The following PARD6G variants were observed in gnomAD, a reference collection of about 807,000 sequenced individuals.
PARD6G encodes the protein par-6 family cell polarity regulator gamma.
A neutral mutation model predicts 10.7 loss-of-function variants in PARD6G; 7 were observed. The ratio of observed to expected loss-of-function variants is 0.66; its 90% CI spans 0.37 to 1.23. The LOEUF is 1.23. Among genes scored for constraint, PARD6G ranks in the 50% most tolerant of loss-of-function variants. The pLI is 0.02. For missense variants in PARD6G, 548 were observed against 571.8 expected (o/e 0.96, Z 0.42); for synonymous variants, 287 against 269.4 (o/e 1.07, Z -0.64).
At chr18:80,185,666 G>T (rs548543241) in intron 2 of PARD6G, among the ~76,000 whole-genome samples, 3 of 148,160 alleles carry the variant, frequency 2.0e-5, no homozygotes, top group Admixed American at 6.7e-5. Flanking sequence ...ATATATGCTT[G>T]CACACCCTCA....
rs2052852304 is a variant in PARD6G, at chr18:80,182,296, G to A, written c.295+20414C>T. Among the ~76,000 whole-genome samples the A allele has an allele frequency of 6.6e-6, 1 of 152,228 alleles. No homozygotes were observed. Among genetic ancestry groups the A allele is most frequent in the African/African-American group, 2.4e-5 (1 of 41,464 alleles). ...CCCTCCCTGAAGGGTGGCAGCTGATGCCTGTGTGCCTGAAGGCAGCTCCTG... is the reference window on the plus strand; with the variant it reads ...CCCTCCCTGAAGGGTGGCAGCTGATACCTGTGTGCCTGAAGGCAGCTCCTG... On this transcript the variant is annotated intron_variant, in intron 2 of 2. Transcript: ENST00000353265. The surrounding 1 kb of genome is among the most constrained non-coding windows in gnomAD (Gnocchi z 4.5).
chr18:80,208,921 AC>A (rs1409715132), intron 1 of PARD6G, among the ~76,000 whole-genome samples: 1 of 152,086 alleles, frequency 6.6e-6, no homozygotes, highest in Non-Finnish European at 1.5e-5. Context: ...ACATAGTGAA[AC>A]CCCATCTCTA....
At chr18:80,172,860 T>C (rs2052786153) in intron 2 of PARD6G, among the ~76,000 whole-genome samples, 1 of 152,290 alleles carries the variant, frequency 6.6e-6, no homozygotes, top group African/African-American at 2.4e-5. Context: ...ATCTAATTTT[T>C]CTTTTTTGCT....
At chr18:80,216,993 C>CA (rs1175791896) in intron 1 of PARD6G, among the ~76,000 whole-genome samples, 10 of 152,064 alleles carry the variant, frequency 6.6e-5, no homozygotes, top group Non-Finnish European at 1.5e-4. Flanking sequence ...ACCTAGCATG[C>CA]AAGGAACCAA....
chr18:80,167,761 C>G (rs574795825), intron 2 of PARD6G, among the ~76,000 whole-genome samples: 6 of 152,218 alleles, frequency 3.9e-5, no homozygotes, highest in Admixed American at 1.3e-4. Flanking sequence ...GGTGCAGCAC[C>G]TCTCAGCAGC....
chr18:80,166,665 C>T lies in PARD6G; in HGVS notation c.296-6059G>A, dbSNP rs866244065. Among the ~76,000 whole-genome samples the T allele has an allele frequency of 2.2e-4, 33 of 151,544 alleles. 1 individual carries two copies. The Middle Eastern group carries it at 0.01, about 47-fold the overall frequency. On this transcript the variant is annotated intron_variant, in intron 2 of 2. Transcript: ENST00000353265. ...AGGGGAGGTACGTGCCCCTTTCATCCTGTCCTGGCTCCTTACATCCTCAGA... is the reference window on the plus strand; with the variant it reads ...AGGGGAGGTACGTGCCCCTTTCATCTTGTCCTGGCTCCTTACATCCTCAGA...
At chr18:80,199,373 C>T (rs919240810) in intron 2 of PARD6G, among the ~76,000 whole-genome samples, 2 of 152,236 alleles carry the variant, frequency 1.3e-5, no homozygotes, top group Admixed American at 6.5e-5. Context: ...GGCTCGATAA[C>T]ATTCCACTGC....
intron 2 of PARD6G, chr18:80,197,432 T>C (rs1966968055): frequency 1.3e-5 from 2 of 152,240 alleles, no homozygotes; most frequent in African/African-American, 4.8e-5. Flanking sequence ...TTTACAACTG[T>C]GTTCTCCTCA....
Position 80,192,007 on chromosome 18 carries a change from T to TGTCC in PARD6G, c.295+10699_295+10702dup, listed in dbSNP as rs1320015517. ...AGCCAAATCTAAAATTGGTCAAAGG[T>TGTCC]GTCCAACTCCACCTTGATGATTCTG... On this transcript the variant is annotated intron_variant, in intron 2 of 2. Transcript: ENST00000353265. This position sits in a 1 kb window ranked among gnomAD's most constrained non-coding sequence, Gnocchi z 4.9. 6.6e-6 allele frequency among the ~76,000 whole-genome samples: 1 copy of TGTCC among 152,176 alleles called. No homozygotes were observed. The highest frequency in any genetic ancestry group is 1.9e-4 in the East Asian group (1 of 5,202).
rs1386468301 is a variant in PARD6G at position 80,184,354 on chromosome 18, A to G, written c.295+18356T>C. ...GTGAGCATTCGCAGCGGCATCATTCACAGTGGCCAGGAGGTGGAAACAACC... is the reference window on the plus strand; with the variant it reads ...GTGAGCATTCGCAGCGGCATCATTCGCAGTGGCCAGGAGGTGGAAACAACC... On this transcript the variant is annotated intron_variant, in intron 2 of 2. Coordinates refer to ENST00000353265, the MANE Select transcript of PARD6G (RefSeq NM_032510.4). This position sits in a 1 kb window ranked among gnomAD's most constrained non-coding sequence, Gnocchi z 4.5. The G allele has an allele frequency of 6.6e-6, 1 of 152,298 alleles. No homozygotes were observed. The highest frequency in any genetic ancestry group is 2.4e-5 in the African/African-American group (1 of 41,476). The allele number at this position is 152,298 out of a possible 1,614,324, so 9.4% of individuals were successfully genotyped here.
chr18:80,159,928 C>G lies in PARD6G; in HGVS notation c.974G>C (p.Arg325Pro). ...TPGAPAGSLSRVNGAGLAQRL... is the reference protein window; with the variant it reads ...TPGAPAGSLSPVNGAGLAQRL... ...CTGCGCCAGGCCCGCGCCATTGACC[C>G]GGGAGAGGCTGCCTGCGGGCGCGCC... The change falls in exon 3 of 3, where the codon CGG (arginine) becomes CCG (proline). Residue 325 changes from arginine (R) to proline (P), a missense_variant. Arg to Pro is a moderately radical substitution (Grantham distance 103). Coordinates refer to ENST00000353265, the MANE Select transcript of PARD6G (RefSeq NM_032510.4). The G allele has an allele frequency of 6.6e-7, 1 of 1,511,130 alleles. No homozygotes were observed. Among genetic ancestry groups the G allele is most frequent in the South Asian group, 1.3e-5 (1 of 79,304 alleles). 93.6% of individuals were successfully genotyped at this position (1,511,130 alleles called of 1,614,324 possible).
Position 80,247,058 on chromosome 18 carries a change from C to T in PARD6G, c.72+219G>A, listed in dbSNP as rs1222928918. Among the ~76,000 whole-genome samples, 1 of 152,164 alleles carries T rather than the reference C, an allele frequency of 6.6e-6. No homozygotes were observed. The highest frequency in any genetic ancestry group is 2.4e-5 in the African/African-American group (1 of 41,462). ...GGACTGTCCGATGGCCCTCGGCCCT[C>T]TGAGCGCCGCGGCTGCCGGGCTTTG... On this transcript the variant is annotated intron_variant, in intron 1 of 2. Coordinates refer to ENST00000353265, the MANE Select transcript of PARD6G (RefSeq NM_032510.4). This position sits in a 1 kb window ranked among gnomAD's most constrained non-coding sequence, Gnocchi z 4.2.
intron 1 of PARD6G, among the ~76,000 whole-genome samples, chr18:80,239,867 T>G (rs1967470538): frequency 6.6e-6 from 1 of 152,214 alleles, no homozygotes; most frequent in African/African-American, 2.4e-5. Context: ...AAAAGAAGCT[T>G]ATTTGGCTCA....
chr18:80,222,388 C>T (rs768077987), intron 1 of PARD6G, among the ~76,000 whole-genome samples: 3 of 152,156 alleles, frequency 2.0e-5, no homozygotes, highest in East Asian at 1.9e-4. Flanking sequence ...GGCACCCAGC[C>T]GGAAGACTTA....
At chr18:80,174,035 G>A (rs774386635) in intron 2 of PARD6G, among the ~76,000 whole-genome samples, 4 of 152,178 alleles carry the variant, frequency 2.6e-5, no homozygotes, top group Non-Finnish European at 5.9e-5. Context: ...ACCGCCCACT[G>A]CCTGGACCAG....
intron 2 of PARD6G, 23 bp downstream of exon 2, chr18:80,202,687 C>T (rs775348261): frequency 3.3e-5 from 53 of 1,590,934 alleles, no homozygotes; most frequent in South Asian, 1.1e-4. Flanking sequence ...CAAGACCAGC[C>T]GGCCACTCAA....
chr18:80,165,934 T>G (rs2052732861), intron 2 of PARD6G, among the ~76,000 whole-genome samples: 1 of 151,950 alleles, frequency 6.6e-6, no homozygotes, highest in Non-Finnish European at 1.5e-5. Flanking sequence ...ATACAAAAAT[T>G]AGCTGGGCGT....
intron 1 of PARD6G, among the ~76,000 whole-genome samples, chr18:80,218,330 T>A (rs1443943072): frequency 6.6e-6 from 1 of 151,678 alleles, no homozygotes; most frequent in African/African-American, 2.4e-5. Context: ...GTACAGGCAT[T>A]GGGTAAATAC....
chr18:80,210,582 C>T (rs1172386682), intron 1 of PARD6G, among the ~76,000 whole-genome samples: 4 of 152,138 alleles, frequency 2.6e-5, no homozygotes, highest in Non-Finnish European at 5.9e-5. Context: ...GCCTTGTCCC[C>T]AGGGCATTTG....
Sources: allele counts gnomAD v4.1 joint callset (sites outside exome capture counted in the v4.1 genomes callset), GRCh38; gene constraint gnomAD v4.1.1; non-coding constraint Gnocchi (gnomAD v3.1); transcripts MANE v1.5; gene names NCBI Gene and HGNC (gene_info 2026-07-23, HGNC 2026-07-21).